Variants in TRAK1 observed in about 807,000 individuals in gnomAD.
The protein encoded by TRAK1 is trafficking kinesin-binding protein 1.
A neutral mutation model predicts 92.1 loss-of-function variants in TRAK1; 33 were observed. The observed-to-expected ratio is 0.36, with a 90% CI of 0.27 to 0.48. TRAK1 has a LOEUF of 0.48. Ranked by LOEUF, TRAK1 falls within the 20% of genes least tolerant of loss-of-function variation. The pLI is 0.99. For synonymous variants in TRAK1, 521 were observed against 517.3 expected (o/e 1.01, Z -0.10); for missense variants, 1,123 against 1,257.9 (o/e 0.89, Z 1.62).
intron 1 of TRAK1, among the ~76,000 whole-genome samples, chr3:42,093,654 T>TCCCTTCCCTTCCCTTCCCTCCCCTC (rs1705439937): frequency 5.7e-5 from 2 of 35,242 alleles, no homozygotes; most frequent in African/African-American, 1.0e-4. Context: ...TTTCTCCCCT[T>TCCCTTCCCTTCCCTTCCCTCCCCTC]CCCTTCCCTT....
chr3:42,200,198 A>G (rs1291366248), intron 11 of TRAK1, among the ~76,000 whole-genome samples: 1 of 152,248 alleles, frequency 6.6e-6, no homozygotes, highest in Admixed American at 6.5e-5. Context: ...CACCCTCTGC[A>G]GCCCAGAAGG....
chr3:42,123,366 C>G (rs1391006615), intron 1 of TRAK1, among the ~76,000 whole-genome samples: 1 of 152,212 alleles, frequency 6.6e-6, no homozygotes, highest in East Asian at 1.9e-4. Context: ...GCAGGGGGAA[C>G]AGGGAAGGGA....
intron 1 of TRAK1, among the ~76,000 whole-genome samples, chr3:42,101,625 C>T (rs1396394236): frequency 6.6e-6 from 1 of 152,230 alleles, no homozygotes; most frequent in Non-Finnish European, 1.5e-5. Context: ...TCTGTCTCAA[C>T]TGCTTGTCTC....
intron 1 of TRAK1, among the ~76,000 whole-genome samples, chr3:42,108,207 C>T (rs1033697276): frequency 2.3e-4 from 35 of 151,958 alleles, no homozygotes; most frequent in African/African-American, 8.2e-4. Context: ...AAATATGATG[C>T]AGGCTGGGGG....
chr3:42,024,927 AC>A (rs761172579), intron 1 of TRAK1, among the ~76,000 whole-genome samples: 7 of 152,232 alleles, frequency 4.6e-5, no homozygotes, highest in Non-Finnish European at 8.8e-5. Context: ...TGCTAGGGAT[AC>A]CACATCAGTG....
chr3:42,100,548 A>G (rs1210980374), intron 1 of TRAK1, among the ~76,000 whole-genome samples: 1 of 152,206 alleles, frequency 6.6e-6, no homozygotes, highest in Non-Finnish European at 1.5e-5. Flanking sequence ...GTGTCATTAT[A>G]GCCAAGTGTG....
chr3:42,193,674 T>G, intron 8 of TRAK1, 150 bp from the exon 9 acceptor site: 1 of 879,410 alleles, frequency 1.1e-6, no homozygotes, highest in Non-Finnish European at 1.9e-6. Context: ...GACTTTACCT[T>G]CAAAATAATA....
chr3:42,069,310 G>A, intron 1 of TRAK1, among the ~76,000 whole-genome samples: 2 of 141,152 alleles, frequency 1.4e-5, no homozygotes, highest in Non-Finnish European at 1.5e-5. Flanking sequence ...GACACAGCAA[G>A]ACCCTGTCTC....
At chr3:42,122,306 A>G (rs1709989299) in intron 1 of TRAK1, among the ~76,000 whole-genome samples, 1 of 152,100 alleles carries the variant, frequency 6.6e-6, no homozygotes, top group Non-Finnish European at 1.5e-5. Flanking sequence ...AAGCATGCTC[A>G]TAAGTGAGAC....
intron 2 of TRAK1, among the ~76,000 whole-genome samples, chr3:42,164,305 T>C (rs1701621344): frequency 6.6e-6 from 1 of 152,244 alleles, no homozygotes; most frequent in Non-Finnish European, 1.5e-5. Flanking sequence ...AAGATACAAT[T>C]AGTATTTCAG....
intron 1 of TRAK1, among the ~76,000 whole-genome samples, chr3:42,030,202 G>A (rs988353742): frequency 6.6e-6 from 1 of 152,194 alleles, no homozygotes; most frequent in Admixed American, 6.5e-5. Context: ...GGGAGGCTGA[G>A]ACAGGAGGAT....
chr3:42,216,377 C>T (rs1213320576), intron 14 of TRAK1, among the ~76,000 whole-genome samples: 1 of 152,152 alleles, frequency 6.6e-6, no homozygotes, highest in Non-Finnish European at 1.5e-5. Context: ...CATCATGGGC[C>T]CCCGAGGAGC....
intron 11 of TRAK1, 22 bp from the exon 12 acceptor site, chr3:42,200,796 G>A (rs368868946): frequency 1.7e-5 from 27 of 1,612,884 alleles, no homozygotes; most frequent in South Asian, 1.6e-4. Context: ...GCTCACTCAC[G>A]GATGCCGTGC....
At chr3:42,079,179 G>A (rs959539154) in intron 1 of TRAK1, among the ~76,000 whole-genome samples, 3 of 152,198 alleles carry the variant, frequency 2.0e-5, no homozygotes, top group Non-Finnish European at 2.9e-5. Flanking sequence ...TCAATTTGTG[G>A]TAATTTGTTA....
intron 1 of TRAK1, 70 bp from the exon 2 acceptor site, chr3:42,125,350 A>C: frequency 7.0e-7 from 1 of 1,436,304 alleles, no homozygotes. Flanking sequence ...CGCAGGCTAC[A>C]AGTTTAGTTA....
chr3:42,055,231 A>T (rs1336428480), intron 1 of TRAK1, among the ~76,000 whole-genome samples: 1 of 152,030 alleles, frequency 6.6e-6, no homozygotes, highest in East Asian at 1.9e-4. Context: ...GAATTTTAAC[A>T]CATGTATAGA....
At position 42,223,523 on chromosome 3, in the gene TRAK1, C is replaced by G; in HGVS notation, c.2648C>G (p.Ala883Gly). 6.2e-7 allele frequency: 1 copy of G among 1,613,796 alleles called. No homozygotes were observed. Among genetic ancestry groups the G allele is most frequent in the South Asian group, 1.1e-5 (1 of 91,086 alleles). ...LLCGPPGPAP[A>G]LVPRGLVPEG... ...TGTGGGCCCCCGGGGCCAGCACCAG[C>G]CCTTGTTCCCAGAGGCCTGGTACCT... The change falls in exon 16 of 16, where the codon GCC (alanine) becomes GGC (glycine). Residue 883 changes from alanine (A) to glycine (G), a missense_variant. By Grantham distance (60) the Ala-to-Gly change is moderately conservative. Coordinates refer to ENST00000327628, the MANE Select transcript of TRAK1 (RefSeq NM_001042646.3). The surrounding 1 kb of genome is among the most constrained non-coding windows in gnomAD (Gnocchi z 6.1).
chr3:42,038,275 G>T (rs1015796235), intron 1 of TRAK1, among the ~76,000 whole-genome samples: 1 of 152,086 alleles, frequency 6.6e-6, no homozygotes, highest in Non-Finnish European at 1.5e-5. Flanking sequence ...GTTGGGATAG[G>T]GTCAGGAATA....
At chr3:42,211,183 C>T (rs1014007097) in intron 14 of TRAK1, 1 of 985,184 alleles carries the variant, frequency 1.0e-6, no homozygotes, top group Non-Finnish European at 1.2e-6. Context: ...CAACACTCCC[C>T]TTGAAATACA....
Sources: gnomAD v4.1 joint callset for allele counts (sites outside exome capture counted in the v4.1 genomes callset) on GRCh38, gnomAD v4.1.1 for gene constraint, Gnocchi (gnomAD v3.1) non-coding constraint, MANE v1.5 for transcripts, NCBI Gene and HGNC (gene_info 2026-07-23, HGNC 2026-07-21) for gene names.